PPARG: variants seen among roughly 807,000 people sequenced by gnomAD.
PPARG encodes peroxisome proliferator activated receptor gamma, also known as peroxisome proliferator-activated receptor gamma.
PPARG carries 17 observed loss-of-function variants against 39.2 expected under a neutral mutation model. The ratio of observed to expected loss-of-function variants is 0.43; its 90% CI spans 0.30 to 0.65. The LOEUF (loss-of-function observed/expected upper bound fraction) is 0.65. Among genes scored for constraint, PPARG ranks in the 30% least tolerant of loss-of-function variants. PPARG has a pLI of 0.13. For missense variants in PPARG, 406 were observed against 585.9 expected, an observed-to-expected ratio of 0.69 and a Z score of 3.17; for synonymous variants, 223 against 215.7, an observed-to-expected ratio of 1.03 and a Z score of -0.30.
rs143193544 is a variant in PPARG at position 12,385,303 on chromosome 3, G to A, written c.390+3812G>A. On this transcript the variant is annotated intron_variant, in intron 4 of 7. Coordinates refer to ENST00000651735, the MANE Select transcript of PPARG (RefSeq NM_138711.6). ...TAAACACAGCATAAAACAACTTTTGGTAGATCTTCCTAAACAATTTTACAA... is the reference window on the plus strand; with the variant it reads ...TAAACACAGCATAAAACAACTTTTGATAGATCTTCCTAAACAATTTTACAA... 8.6e-3 allele frequency among the ~76,000 whole-genome samples: 1,305 copies of A among 152,224 alleles called. 8 individuals carry two copies. Among genetic ancestry groups the A allele is most frequent in the Non-Finnish European group, 0.014 (966 of 68,010 alleles).
chr3:12,327,095 A>G (rs986649780), intron 2 of PPARG, among the ~76,000 whole-genome samples: 1 of 152,228 alleles, frequency 6.6e-6, no homozygotes, highest in Non-Finnish European at 1.5e-5. Flanking sequence ...AGTTACCTTG[A>G]AAGAGATTAT....
At chr3:12,349,079 C>T (rs1254339927) in intron 2 of PPARG, among the ~76,000 whole-genome samples, 2 of 152,060 alleles carry the variant, frequency 1.3e-5, no homozygotes, top group East Asian at 3.9e-4. Context: ...GCCAATTGAC[C>T]TTCAAGTTTA....
intron 5 of PPARG, among the ~76,000 whole-genome samples, chr3:12,394,312 G>A (rs1254427664): frequency 6.6e-6 from 1 of 152,094 alleles, no homozygotes; most frequent in Non-Finnish European, 1.5e-5. Flanking sequence ...TTACTTACAG[G>A]CAGTGCATAC....
At chr3:12,337,985 C>T (rs2048062815) in intron 2 of PPARG, among the ~76,000 whole-genome samples, 1 of 152,108 alleles carries the variant, frequency 6.6e-6, no homozygotes, top group Non-Finnish European at 1.5e-5. Flanking sequence ...CGTCCTGGAA[C>T]CAATCCTTCA....
At chr3:12,288,608 C>A (rs1464668099), upstream of PPARG, among the ~76,000 whole-genome samples, 4 of 151,826 alleles carry the variant, frequency 2.6e-5, no homozygotes, top group Non-Finnish European at 1.5e-5. Flanking sequence ...AGGAGGAGGT[C>A]CCGTTCGCTG....
chr3:12,406,800 G>C (rs4135345), intron 6 of PPARG: 1 of 152,070 alleles, frequency 6.6e-6, no homozygotes, highest in Admixed American at 6.6e-5. Flanking sequence ...CATAAAAATA[G>C]ATTCTAGATA....
At chr3:12,332,985 C>T (rs1328827664) in intron 2 of PPARG, among the ~76,000 whole-genome samples, 2 of 152,144 alleles carry the variant, frequency 1.3e-5, no homozygotes, top group Non-Finnish European at 2.9e-5. Flanking sequence ...GAGCCATGTT[C>T]ACACCACTGC....
At chr3:12,302,393 T>A (rs915488766) in intron 1 of PPARG, among the ~76,000 whole-genome samples, 1 of 152,208 alleles carries the variant, frequency 6.6e-6, no homozygotes, top group East Asian at 1.9e-4. Context: ...GGTACAGGAT[T>A]TCCTTTGGAG....
intron 2 of PPARG, among the ~76,000 whole-genome samples, chr3:12,350,032 C>T (rs1161243909): frequency 6.6e-6 from 1 of 152,136 alleles, no homozygotes; most frequent in Non-Finnish European, 1.5e-5. Flanking sequence ...GTAACAGAGA[C>T]TGGTATAGGA....
At position 12,336,884 on chromosome 3, in the gene PPARG, A is replaced by G. The variant is rs1408140619; in HGVS notation, c.-9+24431A>G. ...CAAGGGGGCTGAGCTTCTTGTGGAC[A>G]TTTAAGTTTGAATAGGGTACTCTCC... On this transcript the variant is annotated intron_variant, in intron 2 of 7. Transcript: ENST00000651735. 2.6e-5 allele frequency among the ~76,000 whole-genome samples: 4 copies of G among 152,206 alleles called. 1 individual carries two copies. The South Asian group carries it at 6.2e-4, about 24-fold the overall frequency.
At chr3:12,347,257 G>T (rs1404461854) in intron 2 of PPARG, among the ~76,000 whole-genome samples, 1 of 151,742 alleles carries the variant, frequency 6.6e-6, no homozygotes, top group African/African-American at 2.4e-5. Context: ...GGCTGAGGCA[G>T]GGGGGTCACT....
At chr3:12,427,895 T>C (rs1311421361) in intron 7 of PPARG, among the ~76,000 whole-genome samples, 1 of 152,216 alleles carries the variant, frequency 6.6e-6, no homozygotes, top group African/African-American at 2.4e-5. Context: ...TGCCCTGCAA[T>C]CACATTTGTT....
chr3:12,325,292 G>A (rs1033436712), intron 2 of PPARG, among the ~76,000 whole-genome samples: 2 of 152,020 alleles, frequency 1.3e-5, no homozygotes, highest in Non-Finnish European at 2.9e-5. Context: ...GTGGTGGCAG[G>A]CACCTATAAT....
At chr3:12,366,559 TATG>T (rs2049024487) in intron 2 of PPARG, among the ~76,000 whole-genome samples, 1 of 152,174 alleles carries the variant, frequency 6.6e-6, no homozygotes, top group Admixed American at 6.5e-5. Flanking sequence ...CACCATTACT[TATG>T]ATGTTAACTA....
chr3:12,287,378 C>T (rs2046523159), upstream of PPARG: 1 of 152,214 alleles, frequency 6.6e-6, no homozygotes, highest in Admixed American at 6.5e-5. Flanking sequence ...AACTTACAAA[C>T]GCAAGGAACT....
intron 5 of PPARG, among the ~76,000 whole-genome samples, chr3:12,396,021 A>G (rs1008738882): frequency 6.6e-6 from 1 of 152,238 alleles, no homozygotes; most frequent in African/African-American, 2.4e-5. Context: ...GGGCTCTTGC[A>G]TGCATTTTTA....
rs748471505 is a variant in PPARG at position 12,416,904 on chromosome 3, C to T, written c.930C>T (p.Asn310=). 2.2e-5 allele frequency: 36 copies of T among 1,613,926 alleles called. No individual in the cohort carries two copies. In the East Asian group the frequency reaches 4.5e-4, roughly 20 times the overall value. ...SIPGFVNLDL[N]DQVTLLKYGV... ...CTGGTTTTGTAAATCTTGACTTGAACGACCAAGTAACTCTCCTCAAATATG... is the reference window on the plus strand; with the variant it reads ...CTGGTTTTGTAAATCTTGACTTGAATGACCAAGTAACTCTCCTCAAATATG... Residue 310 remains asparagine, a synonymous_variant, in exon 7 of 8, where the codon AAC becomes AAT. Coordinates refer to ENST00000651735, the MANE Select transcript of PPARG (RefSeq NM_138711.6).
intron 7 of PPARG, among the ~76,000 whole-genome samples, chr3:12,417,833 A>G (rs931675947): frequency 1.3e-5 from 2 of 149,356 alleles, no homozygotes; most frequent in African/African-American, 5.0e-5. Context: ...TGATCTGACT[A>G]ACCAATTCCA....
chr3:12,417,099 G>T lies in PPARG; in HGVS notation c.1125G>T (p.Leu375=). The stretch of plus-strand genomic sequence containing the variant: ...AGTTTGCTGTGAAGTTCAATGCACT[G>T]GAATTAGATGACAGCGACTTGGCAA... The part of the protein sequence containing the change: ...KFEFAVKFNA[L]ELDDSDLAIF... The change falls in exon 7 of 8, where the codon CTG becomes CTT. Residue 375 remains leucine, a synonymous_variant. Transcript: ENST00000651735. 6.2e-7 allele frequency: 1 copy of T among 1,614,112 alleles called. No individual in the cohort carries two copies. Among genetic ancestry groups the T allele is most frequent in the East Asian group, 2.2e-5 (1 of 44,874 alleles).
Sources: gnomAD v4.1 joint callset for allele counts (sites outside exome capture counted in the v4.1 genomes callset) on GRCh38, gnomAD v4.1.1 for gene constraint, MANE v1.5 for transcripts, NCBI Gene and HGNC (gene_info 2026-07-23, HGNC 2026-07-21) for gene names.